The following HSF2BP variants were observed in gnomAD, a reference collection of about 807,000 sequenced individuals.
HSF2BP encodes the protein heat shock factor 2-binding protein.
A neutral mutation model predicts 35.0 loss-of-function variants in HSF2BP; 35 were observed. The ratio of observed to expected loss-of-function variants is 1.00; its 90% CI spans 0.76 to 1.32. The LOEUF (loss-of-function observed/expected upper bound fraction) is 1.32, where lower values mean the gene tolerates loss of function less well. HSF2BP is among the 40% of genes most tolerant of loss of function. HSF2BP has a pLI of 0.00. For missense variants in HSF2BP, 326 were observed against 321.7 expected (o/e 1.01, Z -0.10); for synonymous variants, 114 against 117.4 (o/e 0.97, Z 0.18).
chr21:43,601,858 C>T (rs1034553335), intron 7 of HSF2BP, among the ~76,000 whole-genome samples: 2 of 152,176 alleles, frequency 1.3e-5, no homozygotes, highest in African/African-American at 4.8e-5. Flanking sequence ...AATTGTAATG[C>T]AATGTCTTAA....
At position 43,630,310 on chromosome 21, in the gene HSF2BP, G is replaced by A. The variant is rs371063625; in HGVS notation, c.574+12C>T. 18 of 1,607,334 alleles carry A rather than the reference G, an allele frequency of 1.1e-5. No homozygotes were observed. The highest frequency in any genetic ancestry group is 4.5e-5 in the South Asian group (4 of 89,710). On this transcript the variant is annotated intron_variant, in intron 6 of 8. Coordinates refer to ENST00000291560, the MANE Select transcript of HSF2BP (RefSeq NM_007031.2). ...CAAACAGGCAACATCTCTCAGGTGC[G>A]CCTGCACTTACTCGTGACAATTCCA...
At chr21:43,578,209 C>G (rs982375057) in intron 8 of HSF2BP, among the ~76,000 whole-genome samples, 3 of 152,136 alleles carry the variant, frequency 2.0e-5, no homozygotes, top group Non-Finnish European at 4.4e-5. Context: ...AGTAAGATGG[C>G]TAGGGCTGGC....
At chr21:43,604,411 T>TACACAACCCACACACCACACCAC (rs2082093459) in intron 7 of HSF2BP, among the ~76,000 whole-genome samples, 1 of 47,066 alleles carries the variant, frequency 2.1e-5, no homozygotes. Flanking sequence ...ACACACACCA[T>TACACAACCCACACACCACACCAC]ACACACCCCA....
Position 43,613,883 on chromosome 21 carries a change from G to C in HSF2BP, c.639C>G (p.Thr213=), listed in dbSNP as rs144350625. Reference sequence around the variant, plus strand: ...TCAAGTCTCCCAGAAGCTGCAATATGGTGTCCAAGAGCACCCGGCTTGAAT... The same window carrying C: ...TCAAGTCTCCCAGAAGCTGCAATATCGTGTCCAAGAGCACCCGGCTTGAAT... ...LVNSSRVLLD[T]ILQLLGDLKP... The change falls in exon 7 of 9, where the codon ACC becomes ACG. Residue 213 remains threonine, a synonymous_variant. Transcript: ENST00000291560. 15 of 1,613,560 alleles carry C rather than the reference G, an allele frequency of 9.3e-6. No homozygotes were observed. The African/African-American group carries it at 9.3e-5, about 10-fold the overall frequency.
At chr21:43,653,337 C>T (rs2147123054) in intron 3 of HSF2BP, among the ~76,000 whole-genome samples, 1 of 152,034 alleles carries the variant, frequency 6.6e-6, no homozygotes, top group East Asian at 1.9e-4. Flanking sequence ...TCCCTCAAGA[C>T]CGAATAATCA....
chr21:43,592,169 G>T, intron 8 of HSF2BP, 56 bp downstream of exon 8: 1 of 1,161,586 alleles, frequency 8.6e-7, no homozygotes, highest in Non-Finnish European at 1.3e-6. Context: ...CCGTGGATAA[G>T]GGAGGACTAC....
chr21:43,625,503 G>A (rs1275215247), intron 6 of HSF2BP, among the ~76,000 whole-genome samples: 3 of 152,046 alleles, frequency 2.0e-5, no homozygotes, highest in African/African-American at 7.3e-5. Flanking sequence ...TAATTGTGGT[G>A]GGTAAATGAC....
At chr21:43,651,306 G>A (rs1244259687) in intron 3 of HSF2BP, among the ~76,000 whole-genome samples, 1 of 152,012 alleles carries the variant, frequency 6.6e-6, no homozygotes, top group African/African-American at 2.4e-5. Flanking sequence ...ACACTAATCA[G>A]CAGGCAGTAT....
chr21:43,636,196 AAAAAAAAG>A (rs1266371434), intron 4 of HSF2BP, among the ~76,000 whole-genome samples: 8 of 136,090 alleles, frequency 5.9e-5, no homozygotes, highest in African/African-American at 2.7e-4. Context: ...CTCAAGAAAG[AAAAAAAAG>A]AAAGAAAAGA....
rs1249928080 is a variant in HSF2BP at position 43,592,238 on chromosome 21, C to T, written c.783G>A (p.Trp261Ter). 9 of 1,612,854 alleles carry T rather than the reference C, an allele frequency of 5.6e-6. No homozygotes were observed. The highest frequency in any genetic ancestry group is 7.6e-6 in the Non-Finnish European group (9 of 1,179,032). Residue 261 changes from tryptophan to a stop codon, truncating the protein, a stop_gained, in exon 8 of 9, where the codon TGG becomes TGA. Coordinates refer to ENST00000291560, the MANE Select transcript of HSF2BP (RefSeq NM_007031.2). LOFTEE classifies it high-confidence loss of function. ...CACCCCCCTTACCACTCAAAAGCCA[C>T]CACAGCAAAGGGATGAATCCTGGAC... ...SESPGFIPLL[W>*]WLLSDPDAEV... is the part of the protein sequence containing the mutation.
At chr21:43,603,379 G>T (rs902845101) in intron 7 of HSF2BP, among the ~76,000 whole-genome samples, 3 of 152,220 alleles carry the variant, frequency 2.0e-5, no homozygotes, top group African/African-American at 7.2e-5. Flanking sequence ...GACTGAGGTG[G>T]TGACGAAGGG....
chr21:43,445,639 A>AGG, the HSF2BP span, among the ~76,000 whole-genome samples: 18 of 115,128 alleles, frequency 1.6e-4, 5 homozygotes, highest in South Asian at 5.9e-3. Flanking sequence ...GCACCGAGAA[A>AGG]GGGGGGGCGC....
intron 7 of HSF2BP, among the ~76,000 whole-genome samples, chr21:43,612,442 G>C (rs2082217910): frequency 6.6e-6 from 1 of 151,938 alleles, no homozygotes; most frequent in Non-Finnish European, 1.5e-5. Flanking sequence ...ACGAGGTCAG[G>C]AGATTGAGAC....
intron 7 of HSF2BP, among the ~76,000 whole-genome samples, chr21:43,605,379 ACACACCACACACACACCACACATTCCC>A (rs2082120314): frequency 2.1e-5 from 3 of 145,842 alleles, no homozygotes; most frequent in Non-Finnish European, 4.5e-5. Flanking sequence ...CCCCCGACAC[ACACACCACACACACACCACACATTCCC>A]CACACCACAC....
At chr21:43,602,358 C>T (rs1046361214) in intron 7 of HSF2BP, among the ~76,000 whole-genome samples, 4 of 152,226 alleles carry the variant, frequency 2.6e-5, no homozygotes, top group East Asian at 1.9e-4. Context: ...TGGGTGGCTC[C>T]AACCTGCAGA....
chr21:43,623,852 C>T (rs1029949616), intron 6 of HSF2BP, among the ~76,000 whole-genome samples: 2 of 152,150 alleles, frequency 1.3e-5, no homozygotes, highest in African/African-American at 4.8e-5. Context: ...CAACTCTCTC[C>T]AAACTAACCT....
intron 8 of HSF2BP, among the ~76,000 whole-genome samples, chr21:43,577,009 C>A (rs1164501879): frequency 1.3e-5 from 2 of 152,138 alleles, no homozygotes; most frequent in Non-Finnish European, 2.9e-5. Context: ...GAATTTAATT[C>A]TCGTAATTGC....
At chr21:43,604,787 C>T in intron 7 of HSF2BP, among the ~76,000 whole-genome samples, 1 of 145,392 alleles carries the variant, frequency 6.9e-6, no homozygotes, top group African/African-American at 2.5e-5. Flanking sequence ...ACACCACACA[C>T]ATGCCACACT....
intron 7 of HSF2BP, among the ~76,000 whole-genome samples, chr21:43,609,694 G>C (rs1421612678): frequency 2.0e-5 from 3 of 152,134 alleles, no homozygotes; most frequent in Non-Finnish European, 4.4e-5. Flanking sequence ...GGTGAAAAGA[G>C]GGGAGAAGAG....
Sources: allele counts gnomAD v4.1 joint callset (sites outside exome capture counted in the v4.1 genomes callset), GRCh38; gene constraint gnomAD v4.1.1; transcripts MANE v1.5; gene names NCBI Gene and HGNC (gene_info 2026-07-23, HGNC 2026-07-21).